The following OMA1 variants were observed in gnomAD, a reference collection of about 807,000 sequenced individuals.
OMA1 encodes metalloendopeptidase OMA1, mitochondrial.
A neutral mutation model predicts 30.9 loss-of-function variants in OMA1; 38 were observed. The observed-to-expected ratio is 1.23, with a 90% CI of 0.95 to 1.61. OMA1 has a LOEUF of 1.61. Ranked by LOEUF, OMA1 falls within the 40% of genes most tolerant of loss-of-function variation. OMA1 has a pLI of 0.00. For missense variants in OMA1, 461 were observed against 349.2 expected (o/e 1.32, Z -2.55); for synonymous variants, 173 against 121.9 (o/e 1.42, Z -2.76).
intron 5 of OMA1, among the ~76,000 whole-genome samples, 184 bp from the exon 6 acceptor site, chr1:58,530,913 A>G (rs914600727): frequency 6.6e-6 from 1 of 152,080 alleles, no homozygotes; most frequent in Non-Finnish European, 1.5e-5. Flanking sequence ...ATCTACTTAT[A>G]TACCTATTCA....
chr1:58,491,323 A>C (rs1645684732), intron 8 of OMA1, among the ~76,000 whole-genome samples: 1 of 152,196 alleles, frequency 6.6e-6, no homozygotes, highest in African/African-American at 2.4e-5. Context: ...CCAAATTGTA[A>C]AGACCATCAA....
chr1:58,492,555 T>C (rs1206131614), intron 8 of OMA1, among the ~76,000 whole-genome samples: 2 of 151,830 alleles, frequency 1.3e-5, no homozygotes, highest in African/African-American at 4.8e-5. Flanking sequence ...AAGAATCAAA[T>C]AGACACAATA....
chr1:58,529,013 T>C (rs920687633), intron 6 of OMA1, among the ~76,000 whole-genome samples: 5 of 152,176 alleles, frequency 3.3e-5, no homozygotes, highest in Non-Finnish European at 7.3e-5. Context: ...AAGCAATCTA[T>C]AGATAGATCA....
chr1:58,521,289 C>T (rs80031294), intron 7 of OMA1, among the ~76,000 whole-genome samples: 2,245 of 151,086 alleles, frequency 0.015, 47 homozygotes, highest in East Asian at 0.12. Flanking sequence ...AGTAAAGATG[C>T]TCTCAGAGGA....
rs952938496 is a variant in OMA1 at position 58,518,499 on chromosome 1, A to T, written c.1215+8762T>A. Among the ~76,000 whole-genome samples the T allele has an allele frequency of 6.6e-5, 10 of 152,076 alleles. No individual in the cohort carries two copies. In the East Asian group the frequency reaches 1.2e-3, roughly 18 times the overall value. The stretch of plus-strand genomic sequence containing the variant: ...ACTGGAGTCAATGAAAGCTATCATG[A>T]GCCTGCTACAGAAGTTTAGGTAAAA... On this transcript the variant is annotated intron_variant, in intron 7 of 8. Coordinates refer to ENST00000371226, the MANE Select transcript of OMA1 (RefSeq NM_145243.5).
intron 6 of OMA1, 131 bp from the exon 7 acceptor site, chr1:58,527,466 T>G: frequency 1.7e-6 from 1 of 592,518 alleles, no homozygotes. Flanking sequence ...CTACTAACAT[T>G]AAAATAACTC....
At chr1:58,481,672 T>G (rs779149089) in intron 8 of OMA1, among the ~76,000 whole-genome samples, 18 of 151,206 alleles carry the variant, frequency 1.2e-4, no homozygotes, top group Non-Finnish European at 2.2e-4. Flanking sequence ...AATCTCATCT[T>G]GAATTGCAGT....
chr1:58,495,036 T>C (rs549715049), intron 8 of OMA1, among the ~76,000 whole-genome samples: 34 of 152,270 alleles, frequency 2.2e-4, no homozygotes, highest in South Asian at 1.2e-3. Flanking sequence ...CCAACAATGA[T>C]AGACTGGATT....
intron 8 of OMA1, among the ~76,000 whole-genome samples, chr1:58,495,756 C>T (rs766170372): frequency 2.6e-5 from 4 of 151,988 alleles, no homozygotes; most frequent in African/African-American, 4.8e-5. Flanking sequence ...ATTAGTTCCA[C>T]TGTTTTTTGT....
At chr1:58,485,461 T>A (rs1645561465) in intron 8 of OMA1, among the ~76,000 whole-genome samples, 2 of 152,014 alleles carry the variant, frequency 1.3e-5, no homozygotes, top group Non-Finnish European at 1.5e-5. Context: ...AGGTTTTCTA[T>A]CACTACTTCT....
At chr1:58,524,544 CTT>C (rs565264381) in intron 7 of OMA1, among the ~76,000 whole-genome samples, 37 of 152,292 alleles carry the variant, frequency 2.4e-4, no homozygotes, top group African/African-American at 8.4e-4. Context: ...AGATAAAAGT[CTT>C]TTGCAAAAAG....
intron 8 of OMA1, among the ~76,000 whole-genome samples, chr1:58,489,579 G>C (rs1054603039): frequency 1.1e-4 from 16 of 152,214 alleles, no homozygotes; most frequent in South Asian, 1.0e-3. Context: ...CTGTCTGACA[G>C]CTTAGAAGAG....
chr1:58,528,053 T>C (rs1646379094), intron 6 of OMA1, among the ~76,000 whole-genome samples: 1 of 152,242 alleles, frequency 6.6e-6, no homozygotes, highest in African/African-American at 2.4e-5. Context: ...CTTTCAAAGG[T>C]AGCCACATGT....
rs768792901 is a variant in OMA1, at chr1:58,536,560, A to G, written c.682T>C (p.Leu228=). ...AAAAGTCTGAACTGTTCTTTCCCCAATAATAGTAGCTTGCTCCTTCCTGTG... is the reference window on the plus strand; with the variant it reads ...AAAAGTCTGAACTGTTCTTTCCCCAGTAATAGTAGCTTGCTCCTTCCTGTG... The part of the protein sequence containing the change: ...PITGRSKLLL[L]GKEQFRLLSE... Residue 228 remains leucine (L), a synonymous_variant, in exon 3 of 9, where the codon TTG becomes CTG. Coordinates refer to ENST00000371226, the MANE Select transcript of OMA1 (RefSeq NM_145243.5). 5.7e-6 allele frequency: 5 copies of G among 872,748 alleles called. No individual in the cohort carries two copies. The highest frequency in any genetic ancestry group is 2.4e-5 in the East Asian group (1 of 41,684). 54.1% of individuals were successfully genotyped at this position (872,748 alleles called of 1,614,324 possible).
At chr1:58,535,057 G>T (rs1358533422) in intron 3 of OMA1, among the ~76,000 whole-genome samples, 1 of 152,056 alleles carries the variant, frequency 6.6e-6, no homozygotes, top group African/African-American at 2.4e-5. Flanking sequence ...TAATAAGAAA[G>T]TTAAACTACC....
intron 7 of OMA1, among the ~76,000 whole-genome samples, chr1:58,507,843 C>T (rs1646013341): frequency 6.6e-6 from 1 of 152,078 alleles, no homozygotes; most frequent in Non-Finnish European, 1.5e-5. Context: ...AAGTATTCTT[C>T]TCAAATAATT....
chr1:58,492,182 T>C (rs1216121041), intron 8 of OMA1, among the ~76,000 whole-genome samples: 1 of 151,818 alleles, frequency 6.6e-6, no homozygotes, highest in Non-Finnish European at 1.5e-5. Context: ...CATAACGAAA[T>C]GAAGGCAGAA....
intron 6 of OMA1, among the ~76,000 whole-genome samples, chr1:58,529,742 T>C (rs1033153699): frequency 2.0e-5 from 3 of 152,146 alleles, no homozygotes; most frequent in Non-Finnish European, 2.9e-5. Context: ...AAAAACAATT[T>C]AAAAAACTAC....
intron 7 of OMA1, among the ~76,000 whole-genome samples, chr1:58,523,291 C>G (rs190983913): frequency 5.5e-4 from 84 of 152,308 alleles, no homozygotes; most frequent in African/African-American, 1.8e-3. Context: ...CGCACAACAT[C>G]TGGATAGTTT....
Sources: gnomAD v4.1 joint callset for allele counts (sites outside exome capture counted in the v4.1 genomes callset) on GRCh38, gnomAD v4.1.1 for gene constraint, MANE v1.5 for transcripts, NCBI Gene and HGNC (gene_info 2026-07-23, HGNC 2026-07-21) for gene names.